SEMA5B: variants seen among roughly 807,000 people sequenced by gnomAD.
SEMA5B encodes the protein semaphorin 5B, also known as semaphorin-5B.
SEMA5B carries 66 observed loss-of-function variants against 135.0 expected under a neutral mutation model. The observed-to-expected ratio is 0.49, with a 90% CI of 0.40 to 0.60. SEMA5B has a LOEUF of 0.60. Among genes scored for constraint, SEMA5B ranks in the 20% least tolerant of loss-of-function variants. The probability of loss-of-function intolerance (pLI) is 0.00; values close to 1 mark genes in which losing one functional copy is unlikely to be tolerated. For missense variants in SEMA5B, 1,501 were observed against 1,566.3 expected (o/e 0.96, Z 0.70); for synonymous variants, 690 against 639.5 (o/e 1.08, Z -1.19).
chr3:122,995,360 A>G (rs191882127), intron 1 of SEMA5B, among the ~76,000 whole-genome samples: 16 of 152,248 alleles, frequency 1.1e-4, no homozygotes, highest in Non-Finnish European at 2.1e-4. Flanking sequence ...AAAGGTAAGA[A>G]AAGGGAATGG....
chr3:122,978,265 C>T (rs1941401797), intron 1 of SEMA5B, among the ~76,000 whole-genome samples: 1 of 152,252 alleles, frequency 6.6e-6, no homozygotes, highest in Non-Finnish European at 1.5e-5. Context: ...CTCGGCCTCT[C>T]ATGAGCCGAT....
chr3:122,947,366 C>A (rs1048614770), intron 3 of SEMA5B, among the ~76,000 whole-genome samples: 11 of 152,170 alleles, frequency 7.2e-5, no homozygotes, highest in Admixed American at 7.2e-4. Context: ...CAACCCACAG[C>A]TGGGAATCCC....
chr3:122,972,547 A>G (rs934877361), intron 1 of SEMA5B, among the ~76,000 whole-genome samples: 2 of 152,182 alleles, frequency 1.3e-5, no homozygotes, highest in African/African-American at 2.4e-5. Context: ...TATCTGTGCT[A>G]TTATTTGACT....
At chr3:122,928,051 C>A in intron 7 of SEMA5B, 48 bp from the exon 8 acceptor site, 1 of 1,341,496 alleles carries the variant, frequency 7.5e-7, no homozygotes, top group African/African-American at 1.5e-5. Context: ...GGCCCTGGGG[C>A]TGCCTGTTCT....
rs148507927 is a variant in SEMA5B at position 122,918,707 on chromosome 3, GCCCCTTC to G, written c.1689-2824_1689-2818del. Among the ~76,000 whole-genome samples, 60 of 152,316 alleles carry G rather than the reference GCCCCTTC, an allele frequency of 3.9e-4. No homozygotes were observed. The East Asian group carries it at 0.01, about 26-fold the overall frequency. On this transcript the variant is annotated intron_variant, in intron 12 of 22. Coordinates refer to ENST00000357599, the MANE Select transcript of SEMA5B (RefSeq NM_001031702.4). Reference sequence around the variant, plus strand: ...GATTCTTCATGGACACGCCTGCCCTGCCCCTTCCCTGGCAGCCTGAGGGGACCCCTGA... The same window carrying G: ...GATTCTTCATGGACACGCCTGCCCTGCCTGGCAGCCTGAGGGGACCCCTGA...
intron 12 of SEMA5B, among the ~76,000 whole-genome samples, chr3:122,920,163 G>A (rs1938277289): frequency 6.6e-6 from 1 of 152,166 alleles, no homozygotes; most frequent in African/African-American, 2.4e-5. Flanking sequence ...AGTGCCCACA[G>A]CCACAGGATT....
chr3:122,911,014 G>GC lies in SEMA5B; in HGVS notation c.3122dup (p.Ile1042HisfsTer50). On this transcript the variant is annotated frameshift_variant, in exon 22 of 23. Coordinates refer to ENST00000357599, the MANE Select transcript of SEMA5B (RefSeq NM_001031702.4). LOFTEE classifies it high-confidence loss of function. ...GCCCAGAGCCCAAGAAGCAGGAGATGCCCGTGGCCACCAAGTGGATGAGAT... is the reference window on the plus strand; with the variant it reads ...GCCCAGAGCCCAAGAAGCAGGAGATGCCCCGTGGCCACCAAGTGGATGAGAT... 1 of 1,613,664 alleles carries GC rather than the reference G, an allele frequency of 6.2e-7. No homozygotes were observed. Among genetic ancestry groups the GC allele is most frequent in the Non-Finnish European group, 8.5e-7 (1 of 1,179,752 alleles).
intron 5 of SEMA5B, among the ~76,000 whole-genome samples, chr3:122,935,885 G>A (rs928066739): frequency 6.6e-6 from 1 of 151,530 alleles, no homozygotes; most frequent in African/African-American, 2.4e-5. Flanking sequence ...TAGAGATGGG[G>A]TTTCACCACG....
intron 1 of SEMA5B, among the ~76,000 whole-genome samples, chr3:123,022,398 T>G (rs556408969): frequency 6.6e-6 from 1 of 152,366 alleles, no homozygotes; most frequent in East Asian, 1.9e-4. Context: ...CAAGTCTGAT[T>G]AAGTCATCCT....
intron 1 of SEMA5B, among the ~76,000 whole-genome samples, chr3:122,969,293 T>G (rs552068442): frequency 6.6e-6 from 1 of 152,148 alleles, no homozygotes; most frequent in African/African-American, 2.4e-5. Flanking sequence ...GCTTCCCACC[T>G]CCTTCCAGGG....
intron 1 of SEMA5B, among the ~76,000 whole-genome samples, chr3:122,989,168 G>A (rs895453859): frequency 3.3e-5 from 5 of 152,328 alleles, no homozygotes; most frequent in African/African-American, 4.8e-5. Context: ...CTGGGAGACT[G>A]GTCTTGGAAT....
At chr3:122,974,676 G>C (rs1941250870) in intron 1 of SEMA5B, among the ~76,000 whole-genome samples, 1 of 151,988 alleles carries the variant, frequency 6.6e-6, no homozygotes, top group Non-Finnish European at 1.5e-5. Flanking sequence ...AGGGGAGGGG[G>C]GTCTTTAAGA....
chr3:122,967,674 G>A (rs996523515), intron 1 of SEMA5B, among the ~76,000 whole-genome samples: 5 of 152,226 alleles, frequency 3.3e-5, no homozygotes, highest in Non-Finnish European at 5.9e-5. Context: ...TCATGAGATC[G>A]TGGGATCATG....
chr3:122,976,414 T>C (rs1941321909), intron 1 of SEMA5B, among the ~76,000 whole-genome samples: 1 of 152,086 alleles, frequency 6.6e-6, no homozygotes, highest in Non-Finnish European at 1.5e-5. Context: ...CAGAGAGAAA[T>C]GATGGGTTAG....
intron 1 of SEMA5B, among the ~76,000 whole-genome samples, chr3:122,974,648 C>T (rs1192304849): frequency 6.6e-6 from 1 of 151,826 alleles, no homozygotes; most frequent in African/African-American, 2.4e-5. Flanking sequence ...CAGCCCTGGG[C>T]CAGGGGGTGG....
At chr3:122,984,473 G>A (rs764297809) in intron 1 of SEMA5B, among the ~76,000 whole-genome samples, 4 of 152,278 alleles carry the variant, frequency 2.6e-5, no homozygotes, top group East Asian at 3.9e-4. Flanking sequence ...CTTCACGTCC[G>A]TCTGTGGCTT....
At position 122,911,016 on chromosome 3, in the gene SEMA5B, C is replaced by T. The variant is rs555054812; in HGVS notation, c.3121G>A (p.Gly1041Ser). 1 of 1,613,578 alleles carries T rather than the reference C, an allele frequency of 6.2e-7. No individual in the cohort carries two copies. Among genetic ancestry groups the T allele is most frequent in the Non-Finnish European group, 8.5e-7 (1 of 1,179,724 alleles). ...CCAGAGCCCAAGAAGCAGGAGATGC[C>T]CGTGGCCACCAAGTGGATGAGATTG... is the stretch of plus-strand genomic sequence containing the variant. ...GFNLIHLVAT[G>S]ISCFLGSGLL... The change falls in exon 22 of 23, where the codon GGC (glycine) becomes AGC (serine). Residue 1041 changes from glycine to serine, a missense_variant. This residue lies in a region of SEMA5B where 927 missense variants were observed against 881.6 expected (regional missense o/e 1.05). Coordinates refer to ENST00000357599, the MANE Select transcript of SEMA5B (RefSeq NM_001031702.4).
chr3:122,934,516 G>A (rs925268523), intron 5 of SEMA5B, among the ~76,000 whole-genome samples: 6 of 152,194 alleles, frequency 3.9e-5, no homozygotes, highest in African/African-American at 9.6e-5. Flanking sequence ...GACAAGTGAC[G>A]AGGTTTCTTC....
chr3:122,937,299 G>A (rs966177781), intron 5 of SEMA5B, among the ~76,000 whole-genome samples: 2 of 152,198 alleles, frequency 1.3e-5, no homozygotes, highest in African/African-American at 4.8e-5. Context: ...AACCCCTGAA[G>A]TTAGGCTTTG....
Sources: allele counts gnomAD v4.1 joint callset (sites outside exome capture counted in the v4.1 genomes callset), GRCh38; gene constraint gnomAD v4.1.1; regional missense constraint gnomAD v4.1.1; transcripts MANE v1.5; gene names NCBI Gene and HGNC (gene_info 2026-07-23, HGNC 2026-07-21).